The following LRBA variants were observed in gnomAD, a reference collection of about 807,000 sequenced individuals.
LRBA encodes the protein lipopolysaccharide-responsive and beige-like anchor protein.
A neutral mutation model predicts 330.0 loss-of-function variants in LRBA; 176 were observed. The observed-to-expected ratio is 0.53, with a 90% CI of 0.47 to 0.60. The LOEUF (loss-of-function observed/expected upper bound fraction) is 0.60, where lower values mean the gene tolerates loss of function less well. LRBA is among the 20% of genes least tolerant of loss of function. LRBA has a pLI of 0.00. For synonymous variants in LRBA, 1,230 were observed against 1,193.0 expected (o/e 1.03, Z -0.64); for missense variants, 3,259 against 3,444.8 (o/e 0.95, Z 1.35).
chr4:150,451,114 T>C (rs913366352), intron 44 of LRBA, among the ~76,000 whole-genome samples: 5 of 152,300 alleles, frequency 3.3e-5, no homozygotes, highest in Non-Finnish European at 4.4e-5. Flanking sequence ...AACTTATAGT[T>C]GGAGACTTCA....
chr4:150,732,445 T>C (rs13121304), intron 36 of LRBA, among the ~76,000 whole-genome samples: 132,732 of 151,934 alleles, frequency 0.87, 58,533 homozygotes, highest in Non-Finnish European at 0.95. Context: ...ATTTCATCTC[T>C]CTTATTCACT....
intron 28 of LRBA, among the ~76,000 whole-genome samples, chr4:150,841,313 T>C (rs1749036934): frequency 6.6e-6 from 1 of 152,242 alleles, no homozygotes; most frequent in South Asian, 2.1e-4. Flanking sequence ...TTACAGTATA[T>C]GCCTGATTTT....
At chr4:150,736,234 T>C (rs1162631813) in intron 35 of LRBA, among the ~76,000 whole-genome samples, 2 of 152,202 alleles carry the variant, frequency 1.3e-5, no homozygotes, top group African/African-American at 2.4e-5. Context: ...TAAAGGAAGA[T>C]AATATCATAG....
intron 47 of LRBA, among the ~76,000 whole-genome samples, chr4:150,372,386 G>A (rs890309313): frequency 4.0e-5 from 6 of 151,784 alleles, no homozygotes. Flanking sequence ...GAGGTGGGAG[G>A]ATCACTTAAG....
At chr4:150,572,126 T>C (rs985625739) in intron 40 of LRBA, among the ~76,000 whole-genome samples, 1 of 152,122 alleles carries the variant, frequency 6.6e-6, no homozygotes, top group African/African-American at 2.4e-5. Flanking sequence ...AATAACCACA[T>C]GAAATGCTCT....
chr4:150,878,799 C>A (rs920713154), intron 17 of LRBA, among the ~76,000 whole-genome samples: 1 of 150,716 alleles, frequency 6.6e-6, no homozygotes, highest in Non-Finnish European at 1.5e-5. Context: ...CTGAACAGAC[C>A]AGGATTGAGC....
At chr4:150,589,044 C>CAG (rs1293572468) in intron 39 of LRBA, among the ~76,000 whole-genome samples, 1 of 148,976 alleles carries the variant, frequency 6.7e-6, no homozygotes, top group Admixed American at 6.6e-5. Context: ...TGTGTATACA[C>CAG]ACACACACAC....
intron 37 of LRBA, among the ~76,000 whole-genome samples, chr4:150,682,980 T>A (rs1484332420): frequency 6.6e-6 from 1 of 152,064 alleles, no homozygotes; most frequent in Non-Finnish European, 1.5e-5. Context: ...CAACAGCATG[T>A]CCAGTTTGGC....
intron 47 of LRBA, among the ~76,000 whole-genome samples, chr4:150,401,306 G>A (rs992849517): frequency 1.3e-5 from 2 of 152,238 alleles, no homozygotes; most frequent in Non-Finnish European, 2.9e-5. Context: ...TTGTGGGACA[G>A]TAATTATTCA....
Position 150,849,463 on chromosome 4 carries a change from C to T in LRBA, c.4117G>A (p.Gly1373Arg). 4 of 1,613,914 alleles carry T rather than the reference C, an allele frequency of 2.5e-6. No homozygotes were observed. The highest frequency in any genetic ancestry group is 2.2e-5 in the South Asian group (2 of 91,072). The change falls in exon 25 of 57, where the codon GGG becomes AGG. Residue 1373 changes from glycine (G) to arginine (R), a missense_variant. Coordinates refer to ENST00000651943, the MANE Select transcript of LRBA (RefSeq NM_001364905.1). ...QVMDNMVMAC[G>R]GILPLLSAAT... Reference sequence around the variant, plus strand: ...GCTGAAAGCAATGGCAGTATACCCCCACAAGCCATGACCATATTGTCCATC... The same window carrying T: ...GCTGAAAGCAATGGCAGTATACCCCTACAAGCCATGACCATATTGTCCATC...
Position 150,738,251 on chromosome 4 carries a change from A to G in LRBA, c.5646-2885T>C, listed in dbSNP as rs191781961. On this transcript the variant is annotated intron_variant, in intron 35 of 56. Transcript: ENST00000651943. ...GGTGATCCGCCCGCCTTGGCCTCCC[A>G]AAGTGCTGGGATTTCAGGTGTGAGA... Among the ~76,000 whole-genome samples, 9 of 152,146 alleles carry G rather than the reference A, an allele frequency of 5.9e-5. 1 individual carries two copies. Among genetic ancestry groups the G allele is most frequent in the Admixed American group, 5.9e-4 (9 of 15,278 alleles).
intron 32 of LRBA, among the ~76,000 whole-genome samples, 188 bp from the exon 33 acceptor site, chr4:150,806,592 C>G (rs1001984636): frequency 6.6e-6 from 1 of 152,040 alleles, no homozygotes; most frequent in East Asian, 1.9e-4. Context: ...CCTGATCTAT[C>G]TTGCCCCTAC....
At chr4:150,620,354 G>T (rs940952661) in intron 37 of LRBA, among the ~76,000 whole-genome samples, 7 of 152,124 alleles carry the variant, frequency 4.6e-5, no homozygotes, top group Non-Finnish European at 8.8e-5. Flanking sequence ...TACTCTGCTG[G>T]TGGGAATGTA....
Position 150,583,152 on chromosome 4 carries a change from G to C in LRBA, c.6330+4896C>G, listed in dbSNP as rs770336078. 6.2e-7 allele frequency: 1 copy of C among 1,614,196 alleles called. No homozygotes were observed. The highest frequency in any genetic ancestry group is 2.2e-5 in the East Asian group (1 of 44,870). ...AGGTCTGTAAGGTGGTCTCGGACGT[G>C]CTCAAGGAAGTGGAGGTGCAGGAGC... is the stretch of plus-strand genomic sequence containing the variant. On this transcript the variant is annotated intron_variant, in intron 40 of 56. Transcript: ENST00000651943. This position sits in a 1 kb window ranked among gnomAD's most constrained non-coding sequence, Gnocchi z 9.8.
chr4:150,587,161 T>C (rs1483624495), intron 40 of LRBA, among the ~76,000 whole-genome samples: 1 of 152,116 alleles, frequency 6.6e-6, no homozygotes, highest in African/African-American at 2.4e-5. Context: ...TTATAATATT[T>C]TCATCAAGAG....
chr4:150,620,079 T>C (rs925687159), intron 37 of LRBA, among the ~76,000 whole-genome samples: 6 of 152,130 alleles, frequency 3.9e-5, no homozygotes, highest in Non-Finnish European at 7.4e-5. Context: ...AATACCTAGA[T>C]TAAAAACGTT....
chr4:150,585,512 A>C (rs1772007621), intron 40 of LRBA, among the ~76,000 whole-genome samples: 1 of 152,182 alleles, frequency 6.6e-6, no homozygotes, highest in Non-Finnish European at 1.5e-5. Flanking sequence ...TCAATGTTTC[A>C]GCTTTAACAA....
At chr4:150,972,046 G>A (rs1325729608) in intron 2 of LRBA, among the ~76,000 whole-genome samples, 1 of 151,986 alleles carries the variant, frequency 6.6e-6, no homozygotes, top group Non-Finnish European at 1.5e-5. Context: ...TCTCTTATAA[G>A]TACCTTACCA....
chr4:150,310,424 T>C (rs529122027), intron 51 of LRBA, 40 bp from the exon 52 acceptor site: 26 of 1,475,840 alleles, frequency 1.8e-5, no homozygotes, highest in Non-Finnish European at 2.3e-5. Flanking sequence ...TAAATCCACA[T>C]GGGCAAAGAA....
Sources: gnomAD v4.1 joint callset for allele counts (sites outside exome capture counted in the v4.1 genomes callset) on GRCh38, gnomAD v4.1.1 for gene constraint, Gnocchi (gnomAD v3.1) non-coding constraint, MANE v1.5 for transcripts, NCBI Gene and HGNC (gene_info 2026-07-23, HGNC 2026-07-21) for gene names.